AUH: variants seen among roughly 807,000 people sequenced by gnomAD.
AUH encodes the protein methylglutaconyl-CoA hydratase, mitochondrial.
A neutral mutation model predicts 42.3 loss-of-function variants in AUH; 29 were observed. The ratio of observed to expected loss-of-function variants is 0.69; its 90% confidence interval spans 0.51 to 0.93. The LOEUF (loss-of-function observed/expected upper bound fraction) is 0.93. Ranked by LOEUF, AUH falls within the 40% of genes least tolerant of loss-of-function variation. The pLI, the probability that AUH is intolerant of heterozygous loss-of-function variation, is 0.00. For missense variants in AUH, 452 were observed against 438.1 expected (o/e 1.03, Z -0.28); for synonymous variants, 174 against 166.4 (o/e 1.05, Z -0.35).
intron 3 of AUH, among the ~76,000 whole-genome samples, chr9:91,339,892 C>T (rs1254522330): frequency 6.6e-6 from 1 of 152,158 alleles, no homozygotes; most frequent in Non-Finnish European, 1.5e-5. Context: ...CCCAACAAAG[C>T]ACTGTGGTCT....
chr9:91,326,043 T>C (rs1829948233), intron 3 of AUH, among the ~76,000 whole-genome samples: 1 of 151,948 alleles, frequency 6.6e-6, no homozygotes, highest in Non-Finnish European at 1.5e-5. Context: ...CAGAGAAAAA[T>C]AAACACATGG....
chr9:91,273,595 T>G (rs1320137272), intron 6 of AUH, among the ~76,000 whole-genome samples: 3 of 152,248 alleles, frequency 2.0e-5, no homozygotes, highest in Admixed American at 2.0e-4. Flanking sequence ...GTTACATTTA[T>G]TTAAGGTCGC....
intron 6 of AUH, among the ~76,000 whole-genome samples, chr9:91,256,548 AGGGCT>A (rs1400506110): frequency 6.6e-6 from 1 of 151,942 alleles, no homozygotes; most frequent in Non-Finnish European, 1.5e-5. Flanking sequence ...CTTAACAAGG[AGGGCT>A]GGGATTTTGC....
At chr9:91,318,930 T>C (rs1829363911) in intron 4 of AUH, among the ~76,000 whole-genome samples, 1 of 152,216 alleles carries the variant, frequency 6.6e-6, no homozygotes, top group African/African-American at 2.4e-5. Flanking sequence ...TCTTGTTATT[T>C]TGGCTTCTTT....
intron 6 of AUH, among the ~76,000 whole-genome samples, chr9:91,263,471 A>ATTATT (rs1829808158): frequency 1.3e-5 from 2 of 152,226 alleles, no homozygotes; most frequent in Admixed American, 6.5e-5. Context: ...AAGTTTTCAT[A>ATTATT]TTATTTTATT....
At chr9:91,345,528 T>C (rs1048993933) in intron 3 of AUH, among the ~76,000 whole-genome samples, 4 of 152,154 alleles carry the variant, frequency 2.6e-5, no homozygotes, top group African/African-American at 4.8e-5. Flanking sequence ...CAGTGCGGTA[T>C]TGGCATTAAA....
At chr9:91,216,037 A>C in intron 9 of AUH, 22 bp downstream of exon 9, 1 of 1,598,052 alleles carries the variant, frequency 6.3e-7, no homozygotes, top group Non-Finnish European at 8.6e-7. Flanking sequence ...ATCCTCATTG[A>C]ATTTGTGATT....
At chr9:91,272,303 A>C (rs1190287691) in intron 6 of AUH, among the ~76,000 whole-genome samples, 4 of 152,226 alleles carry the variant, frequency 2.6e-5, no homozygotes, top group Non-Finnish European at 4.4e-5. Context: ...TTGCCTATTT[A>C]ATCCCACTAC....
chr9:91,349,382 G>GA (rs1486979860), intron 3 of AUH, among the ~76,000 whole-genome samples: 6 of 152,008 alleles, frequency 3.9e-5, no homozygotes, highest in East Asian at 1.9e-4. Context: ...AATTTCAAAA[G>GA]AAAAAATCCT....
chr9:91,252,366 G>T (rs1259927117), intron 6 of AUH, among the ~76,000 whole-genome samples: 1 of 151,448 alleles, frequency 6.6e-6, no homozygotes, highest in Non-Finnish European at 1.5e-5. Context: ...TGGAAAAAAA[G>T]CATAAAACAG....
At chr9:91,236,083 T>C (rs1828158136) in intron 6 of AUH, among the ~76,000 whole-genome samples, 1 of 152,166 alleles carries the variant, frequency 6.6e-6, no homozygotes, top group Non-Finnish European at 1.5e-5. Context: ...TACAGATGGA[T>C]GGAGGAAAGA....
At chr9:91,253,515 G>A (rs558204953) in intron 6 of AUH, among the ~76,000 whole-genome samples, 1 of 152,232 alleles carries the variant, frequency 6.6e-6, no homozygotes, top group Non-Finnish European at 1.5e-5. Context: ...GCCTAAGGCT[G>A]TATGTACTGC....
chr9:91,296,641 ATATACT>A (rs532219464), intron 5 of AUH, among the ~76,000 whole-genome samples: 168 of 152,344 alleles, frequency 1.1e-3, no homozygotes, highest in African/African-American at 3.9e-3. Flanking sequence ...GCATATCCAA[ATATACT>A]TAGACTACTT....
At chr9:91,278,301 T>C (rs1434725746) in intron 6 of AUH, among the ~76,000 whole-genome samples, 1 of 152,210 alleles carries the variant, frequency 6.6e-6, no homozygotes, top group African/African-American at 2.4e-5. Context: ...AGTGTAATCT[T>C]ACGCGTAGCA....
At chr9:91,286,738 ATCT>A (rs893226682) in intron 6 of AUH, among the ~76,000 whole-genome samples, 34 of 151,776 alleles carry the variant, frequency 2.2e-4, no homozygotes, top group African/African-American at 7.2e-4. Context: ...AAAAAAAAAA[ATCT>A]ATCTATCTAC....
intron 6 of AUH, among the ~76,000 whole-genome samples, chr9:91,286,737 A>T (rs925777134): frequency 8.6e-5 from 13 of 152,032 alleles, no homozygotes; most frequent in Admixed American, 7.9e-4. Context: ...AAAAAAAAAA[A>T]ATCTATCTAT....
chr9:91,317,312 T>C (rs1274856717), intron 4 of AUH, among the ~76,000 whole-genome samples: 5 of 152,230 alleles, frequency 3.3e-5, no homozygotes, highest in Non-Finnish European at 7.3e-5. Flanking sequence ...ATCTTTTTAA[T>C]ACTCAATCTT....
intron 6 of AUH, among the ~76,000 whole-genome samples, chr9:91,262,503 C>G (rs1287526097): frequency 3.5e-4 from 54 of 152,264 alleles, no homozygotes; most frequent in Non-Finnish European, 2.8e-4. Context: ...CAGGCTGAGC[C>G]AGCATATGAG....
At chr9:91,215,404 C>A (rs1310728651) in intron 9 of AUH, among the ~76,000 whole-genome samples, 1 of 152,066 alleles carries the variant, frequency 6.6e-6, no homozygotes, top group Non-Finnish European at 1.5e-5. Context: ...TACTTTAAAT[C>A]ATCTCTAGAT....
Sources: gnomAD v4.1 joint callset for allele counts (sites outside exome capture counted in the v4.1 genomes callset) on GRCh38, gnomAD v4.1.1 for gene constraint, MANE v1.5 for transcripts, NCBI Gene and HGNC (gene_info 2026-07-23, HGNC 2026-07-21) for gene names.